The following KANSL1L variants were observed in gnomAD, a reference collection of about 807,000 sequenced individuals.
KANSL1L encodes the protein KAT8 regulatory NSL complex subunit 1-like protein.
A neutral mutation model predicts 108.6 loss-of-function variants in KANSL1L; 25 were observed. The ratio of observed to expected loss-of-function variants is 0.23; its 90% CI spans 0.17 to 0.32. The LOEUF (loss-of-function observed/expected upper bound fraction) is 0.32, where lower values mean the gene tolerates loss of function less well. Ranked by LOEUF, KANSL1L falls within the 10% of genes least tolerant of loss-of-function variation. The pLI is 1.00. For missense variants in KANSL1L, 1,137 were observed against 1,125.7 expected (o/e 1.01, Z -0.14); for synonymous variants, 405 against 395.1 (o/e 1.03, Z -0.30).
At chr2:210,094,922 A>G (rs2094723295) in intron 5 of KANSL1L, among the ~76,000 whole-genome samples, 1 of 151,964 alleles carries the variant, frequency 6.6e-6, no homozygotes, top group African/African-American at 2.4e-5. Flanking sequence ...GAGGGGAGGG[A>G]AAATGAGAAG....
intron 1 of KANSL1L, among the ~76,000 whole-genome samples, chr2:210,160,618 C>T (rs546578045): frequency 1.6e-4 from 25 of 152,278 alleles, no homozygotes; most frequent in African/African-American, 5.8e-4. Flanking sequence ...CAAGATGATG[C>T]ACATGGTCTT....
In KANSL1L at chr2:210,064,837, A is replaced by AAC. The variant is rs1306700954; in HGVS notation, c.1755+10713_1755+10714dup. ...CCCACCAAAAAAAAAAAAAAAAAAA[A>AAC]ACACAGGAAAAAAAATTAGTGTAAC... On this transcript the variant is annotated intron_variant, in intron 6 of 14. Transcript: ENST00000281772. Among the ~76,000 whole-genome samples, 138 of 150,476 alleles carry AAC rather than the reference A, an allele frequency of 9.2e-4. 1 individual carries two copies. The highest frequency in any genetic ancestry group is 3.1e-3 in the African/African-American group (126 of 40,518).
intron 1 of KANSL1L, chr2:210,170,190 C>T (rs1473096342): frequency 5.2e-6 from 1 of 190,602 alleles, no homozygotes; most frequent in Non-Finnish European, 9.7e-6. Flanking sequence ...ACAAACCTGC[C>T]CCATCCAGCA....
chr2:210,061,550 G>C (rs2094420262), intron 6 of KANSL1L, among the ~76,000 whole-genome samples: 1 of 152,144 alleles, frequency 6.6e-6, no homozygotes, highest in South Asian at 2.1e-4. Flanking sequence ...AATTATACTA[G>C]AGTATTATTC....
intron 12 of KANSL1L, chr2:210,026,543 G>C (rs2093939290): frequency 6.6e-6 from 1 of 152,044 alleles, no homozygotes; most frequent in African/African-American, 2.4e-5. Context: ...TTACGCCCGA[G>C]ACTCTACAGG....
chr2:210,035,541 G>A (rs1314392051), intron 8 of KANSL1L, among the ~76,000 whole-genome samples: 8 of 152,144 alleles, frequency 5.3e-5, no homozygotes, highest in East Asian at 1.9e-4. Flanking sequence ...GTGCAGTGGC[G>A]CCATTTCGGC....
At chr2:210,067,716 CAAAAAAAAAAAA>C (rs569072484) in intron 6 of KANSL1L, among the ~76,000 whole-genome samples, 7 of 92,924 alleles carry the variant, frequency 7.5e-5, no homozygotes, top group African/African-American at 2.8e-4. Context: ...ACCCTGTCTC[CAAAAAAAAAAAA>C]AAAAAAAAAA....
At chr2:210,080,777 TG>T in intron 5 of KANSL1L, among the ~76,000 whole-genome samples, 1 of 152,196 alleles carries the variant, frequency 6.6e-6, no homozygotes, top group East Asian at 1.9e-4. Flanking sequence ...CAGCCCCTTT[TG>T]TGGTCTTAGA....
At chr2:210,033,759 C>T (rs2094059451) in intron 8 of KANSL1L, among the ~76,000 whole-genome samples, 1 of 148,298 alleles carries the variant, frequency 6.7e-6, no homozygotes. Context: ...AGGATGGTCT[C>T]GATCTCCTCA....
intron 2 of KANSL1L, among the ~76,000 whole-genome samples, chr2:210,135,693 T>C (rs559309326): frequency 2.0e-5 from 3 of 152,310 alleles, no homozygotes; most frequent in African/African-American, 4.8e-5. Flanking sequence ...CTAAACCCTG[T>C]AAAGCATATC....
intron 6 of KANSL1L, among the ~76,000 whole-genome samples, chr2:210,065,327 CA>C (rs1348375761): frequency 1.5e-5 from 2 of 133,838 alleles, no homozygotes; most frequent in African/African-American, 5.5e-5. Flanking sequence ...GAATCTGTTA[CA>C]TTTTCAAGCA....
chr2:210,154,392 T>C lies in KANSL1L; in HGVS notation c.191A>G (p.Asn64Ser). 1 of 1,610,996 alleles carries C rather than the reference T, an allele frequency of 6.2e-7. No individual in the cohort carries two copies. Among genetic ancestry groups the C allele is most frequent in the Non-Finnish European group, 8.5e-7 (1 of 1,178,812 alleles). ...CTGAGGGGAGCCAAAATGTTTTAAA[T>C]TCACAAAATTAGTATTAAGAGTAGG... is the stretch of plus-strand genomic sequence containing the variant. Reference protein sequence around the residue: ...PEPTLNTNFVNLKHFGSPQSS... With the variant: ...PEPTLNTNFVSLKHFGSPQSS... Residue 64 changes from asparagine to serine, a missense_variant, in exon 2 of 15, where the codon AAT becomes AGT. Asn to Ser is a conservative substitution (Grantham distance 46). Transcript: ENST00000281772.
At position 210,107,525 on chromosome 2, in the gene KANSL1L, T is replaced by A. The variant is rs1267557223; in HGVS notation, c.1231-3224A>T. The stretch of plus-strand genomic sequence containing the variant: ...TTCTTCTCCTCAAAAAAAAAATATA[T>A]ATATATATATTTTTTTTTTTTGAGA... On this transcript the variant is annotated intron_variant, in intron 3 of 14. Coordinates refer to ENST00000281772, the MANE Select transcript of KANSL1L (RefSeq NM_152519.4). 5.6e-3 allele frequency among the ~76,000 whole-genome samples: 759 copies of A among 136,184 alleles called. 2 individuals are homozygous for A. Among genetic ancestry groups the A allele is most frequent in the East Asian group, 0.024 (115 of 4,884 alleles). 89.3% of individuals were successfully genotyped at this position (136,184 alleles called of 152,430 possible).
At chr2:210,157,460 T>C (rs2095339942) in intron 1 of KANSL1L, among the ~76,000 whole-genome samples, 1 of 151,074 alleles carries the variant, frequency 6.6e-6, no homozygotes. Context: ...CTTTGGGAAG[T>C]CAAGGTGAAG....
In KANSL1L at chr2:210,158,458, C is replaced by T. The variant is rs548860947; in HGVS notation, c.-29-3847G>A. On this transcript the variant is annotated intron_variant, in intron 1 of 14. Transcript: ENST00000281772. ...TGATTAACAACAGCCTTATGAGAGACCTTGAGCCAGAGGCACCCAGCTAAG... is the reference window on the plus strand; with the variant it reads ...TGATTAACAACAGCCTTATGAGAGATCTTGAGCCAGAGGCACCCAGCTAAG... Among the ~76,000 whole-genome samples the T allele has an allele frequency of 1.2e-3, 186 of 152,238 alleles. 1 individual carries two copies. The highest frequency in any genetic ancestry group is 2.3e-3 in the Non-Finnish European group (157 of 68,016).
At chr2:210,121,980 A>T (rs1270845516) in intron 3 of KANSL1L, among the ~76,000 whole-genome samples, 1 of 152,210 alleles carries the variant, frequency 6.6e-6, no homozygotes, top group African/African-American at 2.4e-5. Flanking sequence ...TTAACCAAAG[A>T]ACTGAAAGTT....
At chr2:210,098,818 G>C (rs1014934195) in intron 4 of KANSL1L, among the ~76,000 whole-genome samples, 2 of 16,480 alleles carry the variant, frequency 1.2e-4, no homozygotes, top group African/African-American at 1.3e-4. Flanking sequence ...ACAAATATCA[G>C]AGTTTTTTTT....
chr2:210,092,766 A>G lies in KANSL1L; in HGVS notation c.1550+5320T>C, dbSNP rs140377246. On this transcript the variant is annotated intron_variant, in intron 5 of 14. Coordinates refer to ENST00000281772, the MANE Select transcript of KANSL1L (RefSeq NM_152519.4). ...TTATTCATGAGGATTTCCCTAGGCT[A>G]AAAAAGGTGCCTTCCTCCAGAGGAA... Among the ~76,000 whole-genome samples the G allele has an allele frequency of 4.1e-3, 619 of 152,166 alleles. 3 individuals carry two copies. The highest frequency in any genetic ancestry group is 0.014 in the African/African-American group (592 of 41,552).
intron 7 of KANSL1L, among the ~76,000 whole-genome samples, chr2:210,042,451 T>C (rs2094175790): frequency 6.6e-6 from 1 of 152,166 alleles, no homozygotes; most frequent in Non-Finnish European, 1.5e-5. Context: ...GGTTATGTCA[T>C]CAGAGAAATA....
Sources: gnomAD v4.1 joint callset for allele counts (sites outside exome capture counted in the v4.1 genomes callset) on GRCh38, gnomAD v4.1.1 for gene constraint, MANE v1.5 for transcripts, NCBI Gene and HGNC (gene_info 2026-07-23, HGNC 2026-07-21) for gene names.